MYOM2: variants seen among roughly 807,000 people sequenced by gnomAD.
MYOM2 encodes the protein myomesin-2.
A neutral mutation model predicts 187.6 loss-of-function variants in MYOM2; 254 were observed. The observed-to-expected ratio is 1.35, with a 90% CI of 1.22 to 1.50. MYOM2 has a LOEUF of 1.50. Among genes scored for constraint, MYOM2 ranks in the 40% most tolerant of loss-of-function variants. The pLI is 0.00. For missense variants in MYOM2, 2,796 were observed against 1,924.0 expected (o/e 1.45, Z -8.48); for synonymous variants, 981 against 753.8 (o/e 1.30, Z -4.94).
chr8:2,119,632 G>A (rs1167625127), intron 28 of MYOM2, among the ~76,000 whole-genome samples: 1 of 152,180 alleles, frequency 6.6e-6, no homozygotes, highest in Non-Finnish European at 1.5e-5. Context: ...GCCCTCTGAG[G>A]TGCTCAGCTG....
chr8:2,061,385 T>C (rs1818847240), intron 6 of MYOM2, among the ~76,000 whole-genome samples: 1 of 152,194 alleles, frequency 6.6e-6, no homozygotes, highest in Non-Finnish European at 1.5e-5. Flanking sequence ...GGCAGAAAGT[T>C]GGGCTCTGCC....
At position 2,101,058 on chromosome 8, in the gene MYOM2, A is replaced by G. The variant is rs770644794; in HGVS notation, c.2619+4A>G. On this transcript the variant is annotated splice_donor_region_variant and intron_variant, in intron 20 of 36. Coordinates refer to ENST00000262113, the MANE Select transcript of MYOM2 (RefSeq NM_003970.4). ...AACAGCCAGCCGTTATTTAAAGGTAAGTCTTGGCCGGCTGTGGTGGCTCAT... is the reference window on the plus strand; with the variant it reads ...AACAGCCAGCCGTTATTTAAAGGTAGGTCTTGGCCGGCTGTGGTGGCTCAT... The G allele has an allele frequency of 1.5e-5, 25 of 1,613,710 alleles. No individual in the cohort carries two copies. The South Asian group carries it at 2.5e-4, about 16-fold the overall frequency.
At chr8:2,072,310 C>G (rs1047432899) in intron 8 of MYOM2, 35 bp from the exon 9 acceptor site, 22 of 1,600,214 alleles carry the variant, frequency 1.4e-5, no homozygotes, top group Admixed American at 1.2e-4. Flanking sequence ...GCTCTCTGCC[C>G]TTCGGCCCTG....
chr8:2,077,689 A>G (rs1819482052), intron 11 of MYOM2, among the ~76,000 whole-genome samples: 1 of 152,032 alleles, frequency 6.6e-6, no homozygotes, highest in Admixed American at 6.6e-5. Context: ...TGTTGACAAA[A>G]ACCATTTCCT....
Position 2,104,408 on chromosome 8 carries a change from C to A in MYOM2, c.2734+1627C>A, listed in dbSNP as rs1796823493. Among the ~76,000 whole-genome samples the A allele has an allele frequency of 1.3e-5, 2 of 152,162 alleles. 1 individual carries two copies. Among genetic ancestry groups the A allele is most frequent in the Middle Eastern group, 6.8e-3 (2 of 294 alleles). On this transcript the variant is annotated intron_variant, in intron 21 of 36. Coordinates refer to ENST00000262113, the MANE Select transcript of MYOM2 (RefSeq NM_003970.4). Reference sequence around the variant, plus strand: ...ACGAGGTCAGGAGATCGAGACCATCCTGGCTAACACAGTGAAACCCCGTCT... The same window carrying A: ...ACGAGGTCAGGAGATCGAGACCATCATGGCTAACACAGTGAAACCCCGTCT...
In MYOM2 at chr8:2,059,191, C is replaced by A. The variant is rs748417169; in HGVS notation, c.599C>A (p.Pro200Gln). Residue 200 changes from proline to glutamine, a missense_variant, in exon 6 of 37, where the codon CCG (proline) becomes CAG (glutamine). Pro to Gln is a moderately conservative substitution (Grantham distance 76). Transcript: ENST00000262113. ...AGTCTGATTTGCCAGGCGGCTGAAC[C>A]GGGAAAGTACAGGATTGAGAGCAAC... ...DGSLICQAAEPGKYRIESNYG... is the reference protein window; with the variant it reads ...DGSLICQAAEQGKYRIESNYG... 6.2e-7 allele frequency: 1 copy of A among 1,614,172 alleles called. No homozygotes were observed.
In MYOM2 at chr8:2,123,552, T is replaced by C. The variant is rs2116860573; in HGVS notation, c.3568-3T>C. The C allele has an allele frequency of 1.2e-6, 2 of 1,611,434 alleles. No individual in the cohort carries two copies. The highest frequency in any genetic ancestry group is 1.1e-5 in the South Asian group (1 of 91,036). The stretch of plus-strand genomic sequence containing the variant: ...ATAAATATGGAATGTGTTTTCTTTG[T>C]AGTTGTCAAAGAAGGACCACGGTGA... On this transcript the variant is annotated splice_region_variant and splice_polypyrimidine_tract_variant and intron_variant, in intron 29 of 36. Transcript: ENST00000262113.
intron 13 of MYOM2, among the ~76,000 whole-genome samples, chr8:2,083,776 C>T (rs555859702): frequency 6.6e-6 from 1 of 152,330 alleles, no homozygotes; most frequent in African/African-American, 2.4e-5. Flanking sequence ...GATCACATTG[C>T]CCAGGCTGAT....
intron 25 of MYOM2, among the ~76,000 whole-genome samples, chr8:2,110,149 C>G (rs1585923341): frequency 1.3e-5 from 2 of 152,130 alleles, no homozygotes; most frequent in African/African-American, 4.8e-5. Context: ...ATAAGGAGAT[C>G]CCATCTCTAC....
At chr8:2,097,821 A>G (rs1387311384) in intron 18 of MYOM2, among the ~76,000 whole-genome samples, 3 of 152,216 alleles carry the variant, frequency 2.0e-5, no homozygotes, top group Non-Finnish European at 4.4e-5. Flanking sequence ...CCAGCCTAAA[A>G]TCTATTTAAA....
chr8:2,111,110 A>G (rs1265536749), intron 25 of MYOM2, among the ~76,000 whole-genome samples: 2 of 152,168 alleles, frequency 1.3e-5, no homozygotes, highest in Non-Finnish European at 2.9e-5. Context: ...TATTTGCGGG[A>G]TATCTTTTGA....
intron 25 of MYOM2, 36 bp downstream of exon 25, chr8:2,109,567 G>A: frequency 6.3e-7 from 1 of 1,578,168 alleles, no homozygotes; most frequent in African/African-American, 1.4e-5. Context: ...GGCTTTGCAG[G>A]GAGTCCACTT....
chr8:2,143,321 C>T (rs2116927838), intron 35 of MYOM2, 80 bp from the exon 36 acceptor site: 3 of 1,493,964 alleles, frequency 2.0e-6, no homozygotes, highest in Non-Finnish European at 2.8e-6. Flanking sequence ...CACCTTGGTA[C>T]CCACTGCTGC....
At chr8:2,073,047 G>A (rs554112432) in intron 9 of MYOM2, among the ~76,000 whole-genome samples, 1 of 152,272 alleles carries the variant, frequency 6.6e-6, no homozygotes, top group East Asian at 1.9e-4. Flanking sequence ...GAGAAGCAGC[G>A]GGCCCCCAGG....
intron 25 of MYOM2, among the ~76,000 whole-genome samples, chr8:2,113,028 C>A (rs949998041): frequency 2.0e-5 from 3 of 152,218 alleles, no homozygotes; most frequent in Admixed American, 2.0e-4. Context: ...GCTGGAAAGC[C>A]TTTGCCCCAA....
In MYOM2 at chr8:2,094,090, C is replaced by G. The variant is rs750561569; in HGVS notation, c.2124C>G (p.Leu708=). The G allele has an allele frequency of 3.1e-6, 5 of 1,614,080 alleles. No homozygotes were observed. The South Asian group carries it at 4.4e-5, about 14-fold the overall frequency. ...ESDVIKVQAA[L]TVPSHPYGIT... ...ACGTCATAAAAGTGCAGGCCGCACT[C>G]AGTAAGTCACTCACAGGCTGTTGTG... The change falls in exon 17 of 37, where the codon CTC becomes CTG. Residue 708 remains leucine, a splice_region_variant and synonymous_variant. Coordinates refer to ENST00000262113, the MANE Select transcript of MYOM2 (RefSeq NM_003970.4).
At chr8:2,049,201 G>A (rs565042754) in intron 1 of MYOM2, among the ~76,000 whole-genome samples, 2 of 152,274 alleles carry the variant, frequency 1.3e-5, no homozygotes, top group Admixed American at 6.5e-5. Flanking sequence ...GTGGTTGGTC[G>A]ACTAGTTGGG....
chr8:2,064,711 G>T (rs1818958821), intron 6 of MYOM2, among the ~76,000 whole-genome samples: 1 of 152,198 alleles, frequency 6.6e-6, no homozygotes, highest in Admixed American at 6.5e-5. Flanking sequence ...CTTGCCCTTT[G>T]GGAGAGGCTG....
At chr8:2,110,564 G>T (rs975645288) in intron 25 of MYOM2, among the ~76,000 whole-genome samples, 3 of 152,062 alleles carry the variant, frequency 2.0e-5, no homozygotes, top group African/African-American at 7.2e-5. Flanking sequence ...TGGTGGCTTG[G>T]GGCTCTCTCA....
Sources: gnomAD v4.1 joint callset for allele counts (sites outside exome capture counted in the v4.1 genomes callset) on GRCh38, gnomAD v4.1.1 for gene constraint, MANE v1.5 for transcripts, NCBI Gene and HGNC (gene_info 2026-07-23, HGNC 2026-07-21) for gene names.